The following CMYA5 variants were observed in gnomAD, a reference collection of about 807,000 sequenced individuals.
CMYA5 encodes the protein cardiomyopathy associated 5, also known as cardiomyopathy-associated protein 5.
In CMYA5, 246 loss-of-function variants were observed where a neutral mutation model predicts 318.9. The observed-to-expected ratio is 0.77, with a 90% confidence interval of 0.70 to 0.86. The LOEUF (loss-of-function observed/expected upper bound fraction) is 0.86, where lower values mean the gene tolerates loss of function less well. Ranked by LOEUF, CMYA5 falls within the 40% of genes least tolerant of loss-of-function variation. CMYA5 has a pLI of 0.00. For synonymous variants in CMYA5, 1,641 were observed against 1,729.5 expected (o/e 0.95, Z 1.27); for missense variants, 4,589 against 4,678.2 (o/e 0.98, Z 0.56).
chr5:79,768,557 TAGTTTGGCCGGATATTA>T (rs1828797100), intron 9 of CMYA5, among the ~76,000 whole-genome samples: 1 of 152,226 alleles, frequency 6.6e-6, no homozygotes, highest in African/African-American at 2.4e-5. Flanking sequence ...TTATGAAGCT[TAGTTTGGCCGGATATTA>T]AGTTCTGGGC....
At chr5:79,696,905 G>C (rs1228501371) in intron 1 of CMYA5, among the ~76,000 whole-genome samples, 1 of 152,118 alleles carries the variant, frequency 6.6e-6, no homozygotes, top group African/African-American at 2.4e-5. Context: ...TACTTGGGAG[G>C]CTGAGGCAGG....
chr5:79,691,612 AG>A (rs1826972108), intron 1 of CMYA5, among the ~76,000 whole-genome samples: 1 of 152,234 alleles, frequency 6.6e-6, no homozygotes, highest in African/African-American at 2.4e-5. Context: ...GCCTGGAAAA[AG>A]CATCCAATTT....
At chr5:79,787,720 C>G (rs1240016509) in intron 9 of CMYA5, among the ~76,000 whole-genome samples, 1 of 152,208 alleles carries the variant, frequency 6.6e-6, no homozygotes, top group East Asian at 1.9e-4. Flanking sequence ...GTCCCCTTAC[C>G]CCTGCCTTCT....
chr5:79,716,910 G>T (rs16877079), intron 1 of CMYA5, among the ~76,000 whole-genome samples: 7,600 of 152,206 alleles, frequency 0.05, 329 homozygotes, highest in East Asian at 0.24. Flanking sequence ...TGATTAATTT[G>T]AAGTGAACTT....
chr5:79,739,358 A>G lies in CMYA5; in HGVS notation c.10593A>G (p.Lys3531=). 1 of 1,562,110 alleles carries G rather than the reference A, an allele frequency of 6.4e-7. No individual in the cohort carries two copies. The highest frequency in any genetic ancestry group is 1.2e-5 in the South Asian group (1 of 84,270). Residue 3531 remains lysine, a synonymous_variant, in exon 2 of 13, where the codon AAA becomes AAG. Transcript: ENST00000446378. ...CTGACAAGGTGTTTGGCACCCACAAAGACCATGAAGTTTCAACGCTTGACA... is the reference window on the plus strand; with the variant it reads ...CTGACAAGGTGTTTGGCACCCACAAGGACCATGAAGTTTCAACGCTTGACA... ...SATDKVFGTH[K]DHEVSTLDTA...
Position 79,730,867 on chromosome 5 carries a change from C to A in CMYA5, c.2102C>A (p.Ser701Ter). Residue 701 changes from serine (S) to a stop codon, truncating the protein, a stop_gained, in exon 2 of 13, where the codon TCA (serine) becomes TAA (stop). Coordinates refer to ENST00000446378, the MANE Select transcript of CMYA5 (RefSeq NM_153610.5). LOFTEE classifies it high-confidence loss of function. ...TPDSTSASEY[S>*]VPSLATKESL... ...GACTCCACATCTGCTTCTGAATATT[C>A]AGTTCCATCACTGGCAACAAAAGAG... 1 of 1,613,916 alleles carries A rather than the reference C, an allele frequency of 6.2e-7. No homozygotes were observed. The highest frequency in any genetic ancestry group is 8.5e-7 in the Non-Finnish European group (1 of 1,179,854).
intron 7 of CMYA5, among the ~76,000 whole-genome samples, chr5:79,759,397 A>AC (rs1828602260): frequency 3.9e-5 from 6 of 152,364 alleles, no homozygotes; most frequent in Admixed American, 3.9e-4. Context: ...GTCTTTGCTA[A>AC]AAGCCACCAA....
In CMYA5 at chr5:79,723,748, C is replaced by T. The variant is rs142225318; in HGVS notation, c.150-5167C>T. ...CTGCACTCCAGCCTGGGTGACAGAG[C>T]GAGTCCCTGTCTCAAAAACAAAACA... On this transcript the variant is annotated intron_variant, in intron 1 of 12. Transcript: ENST00000446378. Among the ~76,000 whole-genome samples the T allele has an allele frequency of 6.1e-3, 885 of 145,766 alleles. 9 individuals are homozygous for T. Among genetic ancestry groups the T allele is most frequent in the African/African-American group, 0.021 (812 of 38,720 alleles).
intron 1 of CMYA5, among the ~76,000 whole-genome samples, chr5:79,692,141 C>T (rs1022913719): frequency 6.6e-6 from 1 of 152,058 alleles, no homozygotes; most frequent in Admixed American, 6.6e-5. Flanking sequence ...AAGAGTTGTT[C>T]TATCAGTAAT....
chr5:79,691,347 A>T (rs2151073029), intron 1 of CMYA5, among the ~76,000 whole-genome samples: 1 of 152,314 alleles, frequency 6.6e-6, no homozygotes, highest in South Asian at 2.1e-4. Flanking sequence ...GTTGTCTGGG[A>T]TCCTCATATC....
At position 79,716,760 on chromosome 5, in the gene CMYA5, G is replaced by A. The variant is rs535064891; in HGVS notation, c.150-12155G>A. Among the ~76,000 whole-genome samples, 13 of 152,286 alleles carry A rather than the reference G, an allele frequency of 8.5e-5. No homozygotes were observed. The South Asian group carries it at 2.3e-3, about 27-fold the overall frequency. On this transcript the variant is annotated intron_variant, in intron 1 of 12. Transcript: ENST00000446378. ...TCTAGTGACGCTGTTGTACAGGTGA[G>A]GGCTTAGGTAAGCACTCAGTTTGTT... is the stretch of plus-strand genomic sequence containing the variant.
Position 79,735,756 on chromosome 5 carries a change from G to A in CMYA5, c.6991G>A (p.Glu2331Lys), listed in dbSNP as rs138048114. The change falls in exon 2 of 13, where the codon GAA becomes AAA. Residue 2331 changes from glutamate to lysine, a missense_variant. Around this residue, in one of 3 missense-constraint regions of CMYA5, gnomAD observed 2,431 missense variants for 2,495.1 expected, o/e 0.97. Coordinates refer to ENST00000446378, the MANE Select transcript of CMYA5 (RefSeq NM_153610.5). ...SLIGEKLVMEEAKTIVPPHVT... is the reference protein window; with the variant it reads ...SLIGEKLVMEKAKTIVPPHVT... Reference sequence around the variant, plus strand: ...AATCGGTGAGAAATTGGTTATGGAAGAAGCCAAAACTATTGTTCCTCCTCA... The same window carrying A: ...AATCGGTGAGAAATTGGTTATGGAAAAAGCCAAAACTATTGTTCCTCCTCA... 2.8e-4 allele frequency: 437 copies of A among 1,579,978 alleles called. 1 individual carries two copies. In the African/African-American group the frequency reaches 5.4e-3, roughly 19 times the overall value.
chr5:79,735,910 A>G lies in CMYA5; in HGVS notation c.7145A>G (p.Asp2382Gly). ...TCACTCCTTTCATTTGATGTAGTAG[A>G]TAAGGTGCCACAACAGCCAAAATCA... ...QKSLLSFDVVDKVPQQPKSAS... is the reference protein window; with the variant it reads ...QKSLLSFDVVGKVPQQPKSAS... Residue 2382 changes from aspartate to glycine, a missense_variant, in exon 2 of 13, where the codon GAT becomes GGT. Asp to Gly is a moderately conservative substitution (Grantham distance 94, BLOSUM62 -1). This residue lies in a region of CMYA5 where 2,431 missense variants were observed against 2,495.1 expected (regional missense o/e 0.97). Transcript: ENST00000446378. The G allele has an allele frequency of 6.2e-7, 1 of 1,603,960 alleles. No homozygotes were observed. Among genetic ancestry groups the G allele is most frequent in the South Asian group, 1.1e-5 (1 of 88,492 alleles).
intron 1 of CMYA5, among the ~76,000 whole-genome samples, chr5:79,696,756 A>G (rs1361456153): frequency 6.6e-6 from 1 of 152,218 alleles, no homozygotes; most frequent in Non-Finnish European, 1.5e-5. Context: ...CTATAATCCC[A>G]GCACTTAGGG....
chr5:79,788,131 T>A (rs570500576), intron 9 of CMYA5, among the ~76,000 whole-genome samples: 1 of 152,306 alleles, frequency 6.6e-6, no homozygotes, highest in Non-Finnish European at 1.5e-5. Flanking sequence ...GCACCCAGGT[T>A]AGGAACTTTC....
In CMYA5 at chr5:79,730,615, C is replaced by G. The variant is rs1329872483; in HGVS notation, c.1850C>G (p.Pro617Arg). 1 of 1,613,976 alleles carries G rather than the reference C, an allele frequency of 6.2e-7. No individual in the cohort carries two copies. Among genetic ancestry groups the G allele is most frequent in the Non-Finnish European group, 8.5e-7 (1 of 1,179,890 alleles). Residue 617 changes from proline to arginine, a missense_variant, in exon 2 of 13, where the codon CCC (proline) becomes CGC (arginine). Transcript: ENST00000446378. ...ELQEQEGEPV[P>R]PSNVEAIAEH... ...CAGGAGCAAGAAGGTGAGCCAGTTCCCCCATCCAATGTAGAAGCTATAGCT... is the reference window on the plus strand; with the variant it reads ...CAGGAGCAAGAAGGTGAGCCAGTTCGCCCATCCAATGTAGAAGCTATAGCT...
chr5:79,741,754 C>G (rs1485313508), intron 2 of CMYA5, among the ~76,000 whole-genome samples: 1 of 137,104 alleles, frequency 7.3e-6, no homozygotes, highest in African/African-American at 2.5e-5. Context: ...TTGTTTATCT[C>G]TATGAGTTTT....
At chr5:79,703,170 T>G (rs986616661) in intron 1 of CMYA5, among the ~76,000 whole-genome samples, 1 of 152,206 alleles carries the variant, frequency 6.6e-6, no homozygotes, top group African/African-American at 2.4e-5. Flanking sequence ...CCTCAGATCA[T>G]TTAACACAGG....
chr5:79,731,701 C>G lies in CMYA5; in HGVS notation c.2936C>G (p.Thr979Arg). 6.2e-7 allele frequency: 1 copy of G among 1,613,920 alleles called. No homozygotes were observed. Among genetic ancestry groups the G allele is most frequent in the Non-Finnish European group, 8.5e-7 (1 of 1,179,858 alleles). The change falls in exon 2 of 13, where the codon ACA becomes AGA. Residue 979 changes from threonine to arginine, a missense_variant. Transcript: ENST00000446378. The part of the protein sequence containing the change: ...EFECDSPICL[T>R]SPSEHTILSD... ...GAGTGCGATTCTCCAATATGTTTAA[C>G]ATCACCATCTGAGCACACTATTTTG... is the stretch of plus-strand genomic sequence containing the variant.
Sources: gnomAD v4.1 joint callset for allele counts (sites outside exome capture counted in the v4.1 genomes callset) on GRCh38, gnomAD v4.1.1 for gene constraint, gnomAD v4.1.1 regional missense constraint, MANE v1.5 for transcripts, NCBI Gene and HGNC (gene_info 2026-07-23, HGNC 2026-07-21) for gene names.